TMEM132D: variants seen among roughly 807,000 people sequenced by gnomAD.
TMEM132D encodes the protein transmembrane protein 132D.
In TMEM132D, 21 loss-of-function variants were observed where a neutral mutation model predicts 62.3. The observed-to-expected ratio is 0.34, with a 90% CI of 0.24 to 0.49. The LOEUF (loss-of-function observed/expected upper bound fraction) is 0.49. Ranked by LOEUF, TMEM132D falls within the 20% of genes least tolerant of loss-of-function variation. TMEM132D has a pLI of 0.99. For synonymous variants in TMEM132D, 621 were observed against 575.6 expected, an observed-to-expected ratio of 1.08 and a Z score of -1.13; for missense variants, 1,346 against 1,402.8, an observed-to-expected ratio of 0.96 and a Z score of 0.65.
intron 1 of TMEM132D, among the ~76,000 whole-genome samples, chr12:129,752,716 C>G (rs1870039307): frequency 6.6e-6 from 1 of 152,158 alleles, no homozygotes; most frequent in Non-Finnish European, 1.5e-5. Flanking sequence ...AGGACAGGGC[C>G]CTGTGCAGCT....
intron 2 of TMEM132D, among the ~76,000 whole-genome samples, chr12:129,583,410 G>C (rs1877934597): frequency 6.6e-6 from 1 of 152,202 alleles, no homozygotes; most frequent in African/African-American, 2.4e-5. Context: ...TTCGTGTATT[G>C]ATGGTGGCAG....
intron 2 of TMEM132D, among the ~76,000 whole-genome samples, chr12:129,559,938 G>T (rs951647685): frequency 6.6e-6 from 1 of 152,218 alleles, no homozygotes; most frequent in Non-Finnish European, 1.5e-5. Context: ...GAATACAGCT[G>T]CTGGCCTCCA....
chr12:129,505,118 G>C (rs1361387121), intron 3 of TMEM132D, among the ~76,000 whole-genome samples: 1 of 152,114 alleles, frequency 6.6e-6, no homozygotes, highest in Non-Finnish European at 1.5e-5. Context: ...ATTGAGGCTT[G>C]TTTTGTGGCC....
chr12:129,298,709 A>T (rs762562551), intron 4 of TMEM132D, among the ~76,000 whole-genome samples: 3 of 152,148 alleles, frequency 2.0e-5, no homozygotes, highest in Non-Finnish European at 4.4e-5. Flanking sequence ...TTTAGATTTC[A>T]CATATGAGTG....
chr12:129,526,314 TG>T lies in TMEM132D; in HGVS notation c.1115+4744del, dbSNP rs1229645355. Among the ~76,000 whole-genome samples the T allele has an allele frequency of 4.6e-5, 7 of 152,326 alleles. No homozygotes were observed. In the East Asian group the frequency reaches 1.3e-3, roughly 29 times the overall value. ...ATTTTTTTCCTCGAGACAAAGTCTTTGGCTCTGTCTCCCAGGCTGGAGTGCA... is the reference window on the plus strand; with the variant it reads ...ATTTTTTTCCTCGAGACAAAGTCTTTGCTCTGTCTCCCAGGCTGGAGTGCA... On this transcript the variant is annotated intron_variant, in intron 3 of 8. Transcript: ENST00000422113.
chr12:129,573,623 G>C (rs1005896354), intron 2 of TMEM132D, among the ~76,000 whole-genome samples: 5 of 152,126 alleles, frequency 3.3e-5, no homozygotes, highest in African/African-American at 1.2e-4. Context: ...ATGTGTGACT[G>C]TGTGTAGATT....
At chr12:129,498,144 G>A (rs1465638078) in intron 3 of TMEM132D, among the ~76,000 whole-genome samples, 1 of 152,142 alleles carries the variant, frequency 6.6e-6, no homozygotes, top group Non-Finnish European at 1.5e-5. Flanking sequence ...CTTTAATAAT[G>A]AAATGTTTTC....
chr12:129,519,665 G>C (rs1337028839), intron 3 of TMEM132D, among the ~76,000 whole-genome samples: 1 of 151,070 alleles, frequency 6.6e-6, no homozygotes, highest in Admixed American at 6.6e-5. Flanking sequence ...CTGGAGTCCA[G>C]TGGTGCAATC....
At chr12:129,647,243 GTT>G (rs57450911) in intron 2 of TMEM132D, among the ~76,000 whole-genome samples, 18 of 117,588 alleles carry the variant, frequency 1.5e-4, no homozygotes, top group African/African-American at 4.3e-4. Flanking sequence ...TTGTTTTTCT[GTT>G]TTTTTTTTTT....
intron 3 of TMEM132D, chr12:129,522,790 A>G (rs777479518): frequency 6.6e-6 from 1 of 152,132 alleles, no homozygotes; most frequent in African/African-American, 2.4e-5. Context: ...GTGTGTATAT[A>G]TATTACTAAT....
intron 2 of TMEM132D, among the ~76,000 whole-genome samples, chr12:129,567,863 G>T (rs1428572192): frequency 2.0e-5 from 3 of 152,122 alleles, no homozygotes; most frequent in African/African-American, 7.2e-5. Flanking sequence ...GTTCTGAACA[G>T]AATAAAAGGA....
At chr12:129,195,642 G>C (rs977053334) in intron 5 of TMEM132D, among the ~76,000 whole-genome samples, 2 of 152,174 alleles carry the variant, frequency 1.3e-5, no homozygotes, top group African/African-American at 2.4e-5. Context: ...CTGAAATTAA[G>C]AACATAGCTG....
chr12:129,833,526 G>T (rs1345822855), intron 1 of TMEM132D, among the ~76,000 whole-genome samples: 1 of 152,192 alleles, frequency 6.6e-6, no homozygotes, highest in Non-Finnish European at 1.5e-5. Flanking sequence ...TTGGGAGGAG[G>T]AGGTGGGAGG....
intron 1 of TMEM132D, among the ~76,000 whole-genome samples, chr12:129,710,544 A>C (rs1027531934): frequency 1.3e-5 from 2 of 152,046 alleles, no homozygotes; most frequent in African/African-American, 4.8e-5. Flanking sequence ...TGATCCACCC[A>C]CCTCGGCTTC....
chr12:129,750,302 T>C (rs755658528), intron 1 of TMEM132D, among the ~76,000 whole-genome samples: 1 of 152,104 alleles, frequency 6.6e-6, no homozygotes, highest in African/African-American at 2.4e-5. Context: ...GCCAGGATGG[T>C]CTCGATCTCC....
intron 4 of TMEM132D, among the ~76,000 whole-genome samples, chr12:129,336,292 A>C: frequency 6.6e-6 from 1 of 152,114 alleles, no homozygotes; most frequent in Admixed American, 6.5e-5. Context: ...AGAACATTAC[A>C]TAGGGCTGGG....
intron 3 of TMEM132D, among the ~76,000 whole-genome samples, chr12:129,437,060 G>A (rs1872805694): frequency 6.6e-6 from 1 of 151,928 alleles, no homozygotes; most frequent in Non-Finnish European, 1.5e-5. Context: ...GATTTAAGTT[G>A]GGGACATGTC....
At chr12:129,529,722 C>T (rs924057874) in intron 3 of TMEM132D, among the ~76,000 whole-genome samples, 2 of 152,178 alleles carry the variant, frequency 1.3e-5, no homozygotes, top group Non-Finnish European at 2.9e-5. Flanking sequence ...TCCACTCATC[C>T]ATCCATCCAT....
At chr12:129,500,860 C>G (rs943881462) in intron 3 of TMEM132D, among the ~76,000 whole-genome samples, 1 of 152,160 alleles carries the variant, frequency 6.6e-6, no homozygotes, top group African/African-American at 2.4e-5. Context: ...TTTGTAGGTA[C>G]CTGATAAACC....
Sources: gnomAD v4.1 joint callset for allele counts (sites outside exome capture counted in the v4.1 genomes callset) on GRCh38, gnomAD v4.1.1 for gene constraint, MANE v1.5 for transcripts, NCBI Gene and HGNC (gene_info 2026-07-23, HGNC 2026-07-21) for gene names.